Variants in PECAM1 observed in about 807,000 individuals in gnomAD.
PECAM1 encodes platelet and endothelial cell adhesion molecule 1, also known as platelet endothelial cell adhesion molecule.
PECAM1 carries 8 observed loss-of-function variants against 13.8 expected under a neutral mutation model. That is an observed-to-expected ratio of 0.58 (90% CI 0.34 to 1.05). The LOEUF is 1.05. Ranked by LOEUF, PECAM1 falls within the 50% of genes least tolerant of loss-of-function variation. The pLI is 0.03. For synonymous variants in PECAM1, 136 were observed against 52.6 expected, an observed-to-expected ratio of 2.58 and a Z score of -6.86; for missense variants, 304 against 141.2, an observed-to-expected ratio of 2.15 and a Z score of -5.84.
At chr17:64,379,599 C>G (rs2036436876) in intron 2 of PECAM1, among the ~76,000 whole-genome samples, 1 of 152,164 alleles carries the variant, frequency 6.6e-6, no homozygotes, top group Admixed American at 6.6e-5. Context: ...TCAAAGCACT[C>G]ACTAGCTTCC....
chr17:64,373,287 C>A (rs2036283893), intron 4 of PECAM1, among the ~76,000 whole-genome samples: 1 of 151,998 alleles, frequency 6.6e-6, no homozygotes, highest in African/African-American at 2.4e-5. Flanking sequence ...GTTGTAATAG[C>A]AAACACTGAG....
At chr17:64,340,592 G>A (rs1598007368) in intron 14 of PECAM1, among the ~76,000 whole-genome samples, 2 of 152,184 alleles carry the variant, frequency 1.3e-5, no homozygotes, top group East Asian at 3.9e-4. Context: ...CACCAGAATT[G>A]AATACAGTTA....
chr17:64,364,240 C>T lies in PECAM1; in HGVS notation c.968-843G>A, dbSNP rs2036051128. Among the ~76,000 whole-genome samples the T allele has an allele frequency of 4.6e-5, 7 of 152,266 alleles. No homozygotes were observed. The South Asian group carries it at 1.5e-3, about 32-fold the overall frequency. ...AAAATCTAGGAGAAATGGATAAATT[C>T]CTCAACACACACACTCTCCCAAGAC... On this transcript the variant is annotated intron_variant, in intron 5 of 15. Transcript: ENST00000563924.
At chr17:64,335,722 C>A (rs2035259935) in intron 14 of PECAM1, among the ~76,000 whole-genome samples, 1 of 152,178 alleles carries the variant, frequency 6.6e-6, no homozygotes, top group Non-Finnish European at 1.5e-5. Context: ...GTTAGATGAT[C>A]TTGGGGATTA....
Position 64,353,538 on chromosome 17 carries a change from A to G in PECAM1, c.1889-20T>C. On this transcript the variant is annotated intron_variant, in intron 9 of 15. Coordinates refer to ENST00000563924, the MANE Select transcript of PECAM1 (RefSeq NM_000442.5). ...GCTTGGCTTTAAAACAGAAAACGAA[A>G]AACCAAAGTCAGTATACAGTACCCA... The G allele has an allele frequency of 2.1e-6, 1 of 467,886 alleles. No individual in the cohort carries two copies. 29.0% of individuals were successfully genotyped at this position (467,886 alleles called of 1,614,324 possible).
chr17:64,346,536 A>G (rs1223418208), intron 13 of PECAM1, among the ~76,000 whole-genome samples: 1 of 152,110 alleles, frequency 6.6e-6, no homozygotes, highest in Non-Finnish European at 1.5e-5. Flanking sequence ...GGGTTTCACC[A>G]TGTTGGCCAG....
chr17:64,340,417 G>A lies in PECAM1; in HGVS notation c.2164+1217C>T, dbSNP rs1387409671. On this transcript the variant is annotated intron_variant, in intron 14 of 15. Transcript: ENST00000563924. ...CTGAGTAGCCACCCTTTGCAGAAATGTCCTGGACCATTTTAATGATTCCCT... is the reference window on the plus strand; with the variant it reads ...CTGAGTAGCCACCCTTTGCAGAAATATCCTGGACCATTTTAATGATTCCCT... Among the ~76,000 whole-genome samples, 5 of 152,074 alleles carry A rather than the reference G, an allele frequency of 3.3e-5. No individual in the cohort carries two copies. In the South Asian group the frequency reaches 6.2e-4, roughly 19 times the overall value.
intron 15 of PECAM1, among the ~76,000 whole-genome samples, chr17:64,326,349 G>A (rs2034959443): frequency 1.3e-5 from 2 of 152,230 alleles, no homozygotes; most frequent in Non-Finnish European, 2.9e-5. Flanking sequence ...AGCTGGGATA[G>A]TGTCTCCATT....
At chr17:64,370,435 T>C (rs1436570106) in intron 4 of PECAM1, 1 of 155,934 alleles carries the variant, frequency 6.4e-6, no homozygotes, top group Non-Finnish European at 1.4e-5. Flanking sequence ...AGTTCAGCTC[T>C]GTGAAACGTG....
At chr17:64,345,570 G>A (rs1377563717) in intron 13 of PECAM1, among the ~76,000 whole-genome samples, 4 of 151,822 alleles carry the variant, frequency 2.6e-5, no homozygotes, top group East Asian at 1.9e-4. Flanking sequence ...AAAATTAGCC[G>A]GGGATGGTGG....
chr17:64,339,066 C>T (rs2035360651), intron 14 of PECAM1, among the ~76,000 whole-genome samples: 1 of 152,284 alleles, frequency 6.6e-6, no homozygotes, highest in Non-Finnish European at 1.5e-5. Flanking sequence ...CACTAAGGTG[C>T]CCCTCACCAC....
rs950237206 is a variant in PECAM1, at chr17:64,362,807, C to G, written c.1216+342G>C. Among the ~76,000 whole-genome samples, 388 of 150,842 alleles carry G rather than the reference C, an allele frequency of 2.6e-3. 2 individuals are homozygous for G. Among genetic ancestry groups the G allele is most frequent in the Non-Finnish European group, 3.8e-3 (256 of 67,600 alleles). ...GCAGAGGTTGCAGTGAGCTATCGTG[C>G]CACTGCACTCTAGCCTGGGCGACAC... On this transcript the variant is annotated intron_variant, in intron 6 of 15. Transcript: ENST00000563924.
At chr17:64,385,242 C>T (rs1282820974) in intron 2 of PECAM1, among the ~76,000 whole-genome samples, 2 of 152,166 alleles carry the variant, frequency 1.3e-5, no homozygotes, top group Admixed American at 6.5e-5. Flanking sequence ...GGAAAGTCAC[C>T]ACGGAACAGC....
Position 64,338,099 on chromosome 17 carries a change from A to G in PECAM1, c.2164+3535T>C, listed in dbSNP as rs2035330137. 3.3e-5 allele frequency among the ~76,000 whole-genome samples: 5 copies of G among 151,700 alleles called. No individual in the cohort carries two copies. In the South Asian group the frequency reaches 1.0e-3, roughly 32 times the overall value. ...CACCCAGGCTGGAGGGCAGTGGCAC[A>G]ATCACAGTTCACTGCAGCCTCCACC... is the stretch of plus-strand genomic sequence containing the variant. On this transcript the variant is annotated intron_variant, in intron 14 of 15. Coordinates refer to ENST00000563924, the MANE Select transcript of PECAM1 (RefSeq NM_000442.5).
intron 2 of PECAM1, among the ~76,000 whole-genome samples, chr17:64,382,304 C>G (rs1271735470): frequency 2.0e-5 from 3 of 152,124 alleles, no homozygotes; most frequent in Non-Finnish European, 4.4e-5. Flanking sequence ...ATCAAGTGCA[C>G]GGAGCCAGAC....
chr17:64,329,918 A>G lies in PECAM1; in HGVS notation c.2165-196T>C, dbSNP rs55729114. ...CTTCCCCGGGACCCTCTAGCTCCAC[A>G]TGACATGCGCATAAAGTCCCTGGCA... On this transcript the variant is annotated intron_variant, in intron 14 of 15. Transcript: ENST00000563924. Among the ~76,000 whole-genome samples the G allele has an allele frequency of 4.5e-3, 686 of 152,188 alleles. 5 individuals are homozygous for G. Among genetic ancestry groups the G allele is most frequent in the Non-Finnish European group, 7.7e-3 (525 of 68,020 alleles).
intron 10 of PECAM1, among the ~76,000 whole-genome samples, 147 bp downstream of exon 10, chr17:64,353,337 ACACAACT>A (rs1383437386): frequency 2.2e-5 from 3 of 139,274 alleles, no homozygotes; most frequent in African/African-American, 7.7e-5. Flanking sequence ...ACACACACAC[ACACAACT>A]CACACACACA....
chr17:64,336,523 G>T (rs1018414512), intron 14 of PECAM1, among the ~76,000 whole-genome samples: 7 of 152,306 alleles, frequency 4.6e-5, no homozygotes, highest in Middle Eastern at 3.4e-3. Context: ...TATTAAGGAA[G>T]TCCCAGAGAA....
At chr17:64,327,835 C>T (rs1263131005) in intron 15 of PECAM1, among the ~76,000 whole-genome samples, 2 of 152,210 alleles carry the variant, frequency 1.3e-5, no homozygotes, top group African/African-American at 4.8e-5. Flanking sequence ...GGCCATTAAA[C>T]AACTGGGAAT....
Sources: allele counts gnomAD v4.1 joint callset (sites outside exome capture counted in the v4.1 genomes callset), GRCh38; gene constraint gnomAD v4.1.1; transcripts MANE v1.5; gene names NCBI Gene and HGNC (gene_info 2026-07-23, HGNC 2026-07-21).